Variants in SLC20A2 observed in about 807,000 individuals in gnomAD.
The protein encoded by SLC20A2 is sodium-dependent phosphate transporter 2.
Under a neutral mutation model 61.0 loss-of-function variants are expected in SLC20A2, and 30 were observed. The ratio of observed to expected loss-of-function variants is 0.49; its 90% CI spans 0.37 to 0.67. The LOEUF (loss-of-function observed/expected upper bound fraction) is 0.67. Among genes scored for constraint, SLC20A2 ranks in the 30% least tolerant of loss-of-function variants. SLC20A2 has a pLI of 0.00. For synonymous variants in SLC20A2, 351 were observed against 353.3 expected, an observed-to-expected ratio of 0.99 and a Z score of 0.07; for missense variants, 626 against 866.4, an observed-to-expected ratio of 0.72 and a Z score of 3.48.
At chr8:42,537,210 C>T (rs1812762571) in intron 1 of SLC20A2, among the ~76,000 whole-genome samples, 2 of 151,674 alleles carry the variant, frequency 1.3e-5, no homozygotes, top group Admixed American at 6.6e-5. Flanking sequence ...ATAGTGAGAC[C>T]TCATCTTTAC....
At chr8:42,456,131 AAAG>A (rs1470418024) in intron 5 of SLC20A2, among the ~76,000 whole-genome samples, 1 of 152,178 alleles carries the variant, frequency 6.6e-6, no homozygotes, top group African/African-American at 2.4e-5. Context: ...AAGATGGGGG[AAAG>A]AAGAGATGGA....
chr8:42,507,997 T>TA (rs1475166061), intron 1 of SLC20A2, among the ~76,000 whole-genome samples: 1 of 151,692 alleles, frequency 6.6e-6, no homozygotes, highest in Non-Finnish European at 1.5e-5. Flanking sequence ...CCATCTCGAC[T>TA]AAAAATACAA....
chr8:42,483,387 A>G (rs1808700392), intron 1 of SLC20A2, among the ~76,000 whole-genome samples: 1 of 151,302 alleles, frequency 6.6e-6, no homozygotes, highest in Non-Finnish European at 1.5e-5. Flanking sequence ...CAAACAAACT[A>G]ATTAACTGTA....
intron 1 of SLC20A2, among the ~76,000 whole-genome samples, chr8:42,479,049 A>T (rs559597832): frequency 6.6e-6 from 1 of 152,116 alleles, no homozygotes; most frequent in Non-Finnish European, 1.5e-5. Context: ...GGCTCGGGAC[A>T]TGACTCTTCT....
chr8:42,464,635 G>C (rs1305603479), intron 3 of SLC20A2, among the ~76,000 whole-genome samples: 1 of 152,150 alleles, frequency 6.6e-6, no homozygotes, highest in African/African-American at 2.4e-5. Context: ...CAAAAGAATA[G>C]AGTTAAACAA....
At chr8:42,506,098 G>A (rs748057607), upstream of SLC20A2, among the ~76,000 whole-genome samples, 28 of 152,076 alleles carry the variant, frequency 1.8e-4, no homozygotes, top group Middle Eastern at 3.4e-3. Flanking sequence ...GTGCCACCAC[G>A]ACCAGCTGAT....
intron 10 of SLC20A2, among the ~76,000 whole-genome samples, chr8:42,419,340 C>G (rs999905597): frequency 6.6e-6 from 1 of 151,978 alleles, no homozygotes; most frequent in Non-Finnish European, 1.5e-5. Flanking sequence ...GAGGCCGAGG[C>G]GGGTGGATCA....
intron 1 of SLC20A2, among the ~76,000 whole-genome samples, chr8:42,474,676 T>A (rs1198680351): frequency 1.3e-5 from 2 of 152,260 alleles, no homozygotes; most frequent in Admixed American, 6.5e-5. Flanking sequence ...ATGAATAATA[T>A]TCAATTATTG....
chr8:42,500,756 C>G (rs1810265421), intron 1 of SLC20A2, among the ~76,000 whole-genome samples: 2 of 152,102 alleles, frequency 1.3e-5, no homozygotes, highest in South Asian at 2.1e-4. Flanking sequence ...ATCCATTAAT[C>G]AAATATTTTA....
At chr8:42,502,837 T>C (rs904603441), upstream of SLC20A2, among the ~76,000 whole-genome samples, 1 of 152,252 alleles carries the variant, frequency 6.6e-6, no homozygotes, top group African/African-American at 2.4e-5. Flanking sequence ...CCAGAAGTCT[T>C]AATGCCAAAA....
At chr8:42,425,892 A>G (rs1456377187) in intron 10 of SLC20A2, among the ~76,000 whole-genome samples, 3 of 152,140 alleles carry the variant, frequency 2.0e-5, no homozygotes, top group Non-Finnish European at 4.4e-5. Flanking sequence ...AATATAAAAA[A>G]GTAGCTGGTG....
intron 7 of SLC20A2, among the ~76,000 whole-genome samples, chr8:42,438,459 A>AT (rs1473040743): frequency 3.3e-5 from 5 of 152,198 alleles, no homozygotes; most frequent in Non-Finnish European, 7.3e-5. Context: ...GGTGTGCACC[A>AT]TCATCCAGGC....
In SLC20A2 at chr8:42,464,284, T is replaced by C. The variant is rs1417557027; in HGVS notation, c.431-1194A>G. ...CATCACACCAGGCTAATTTTCTTTC[T>C]TTTTTTTTTTTTTTTGTTGTAAAGA... On this transcript the variant is annotated intron_variant, in intron 3 of 10. Transcript: ENST00000520262. 2.6e-3 allele frequency among the ~76,000 whole-genome samples: 349 copies of C among 132,578 alleles called. 3 individuals are homozygous for C. The highest frequency in any genetic ancestry group is 7.5e-3 in the African/African-American group (278 of 37,012). The allele number at this position is 132,578 out of a possible 152,430, so 87.0% of individuals were successfully genotyped here.
At position 42,430,064 on chromosome 8, in the gene SLC20A2, C is replaced by A. The variant is rs1277361505; in HGVS notation, c.1709G>T (p.Ser570Ile). The change falls in exon 9 of 11, where the codon AGC (serine) becomes ATC (isoleucine). Residue 570 changes from serine to isoleucine, a missense_variant and splice_region_variant. By Grantham distance (142) the Ser-to-Ile change is moderately radical. Transcript: ENST00000520262. ...TGCTCGTCCACCAGCCCAGGCTTACCTGGACGGCGTGATGGGAGTGAGGTC... is the reference window on the plus strand; with the variant it reads ...TGCTCGTCCACCAGCCCAGGCTTACATGGACGGCGTGATGGGAGTGAGGTC... ...GKDLTPITPS[S>I]GFTIELASAF... 6.2e-7 allele frequency: 1 copy of A among 1,607,870 alleles called. No individual in the cohort carries two copies. Among genetic ancestry groups the A allele is most frequent in the Non-Finnish European group, 8.5e-7 (1 of 1,177,802 alleles).
intron 1 of SLC20A2, among the ~76,000 whole-genome samples, chr8:42,526,395 T>C (rs576109757): frequency 2.5e-4 from 38 of 150,956 alleles, no homozygotes; most frequent in Middle Eastern, 3.5e-3. Flanking sequence ...CACAGCCGGC[T>C]GGGTGTGGTG....
intron 1 of SLC20A2, among the ~76,000 whole-genome samples, chr8:42,499,934 T>G (rs1810212415): frequency 6.6e-6 from 1 of 152,236 alleles, no homozygotes; most frequent in African/African-American, 2.4e-5. Flanking sequence ...CTTTTCCTAC[T>G]AAATGGAACA....
At chr8:42,527,708 C>G (rs1359200226) in intron 1 of SLC20A2, among the ~76,000 whole-genome samples, 2 of 151,820 alleles carry the variant, frequency 1.3e-5, no homozygotes, top group East Asian at 1.9e-4. Flanking sequence ...GTGGAGGCTG[C>G]GGTGAGCCGA....
chr8:42,533,654 C>CTTTTTTTCTTTTTTTTTTTGTTTTTTTT (rs1253260874), intron 1 of SLC20A2, among the ~76,000 whole-genome samples: 1 of 55,310 alleles, frequency 1.8e-5, no homozygotes, highest in Non-Finnish European at 3.3e-5. Flanking sequence ...ATCAACTGTT[C>CTTTTTTTCTTTTTTTTTTTGTTTTTTTT]TTTTTTTTTT....
chr8:42,535,703 T>C (rs1030505677), intron 1 of SLC20A2, among the ~76,000 whole-genome samples: 2 of 152,192 alleles, frequency 1.3e-5, no homozygotes, highest in African/African-American at 4.8e-5. Context: ...GCCCAGGTTT[T>C]CTTAAATATA....
Sources: allele counts gnomAD v4.1 joint callset (sites outside exome capture counted in the v4.1 genomes callset), GRCh38; gene constraint gnomAD v4.1.1; transcripts MANE v1.5; gene names NCBI Gene and HGNC (gene_info 2026-07-23, HGNC 2026-07-21).